The following CATSPERD variants were observed in gnomAD, a reference collection of about 807,000 sequenced individuals.
CATSPERD encodes the protein catsper channel auxiliary subunit delta.
CATSPERD carries 86 observed loss-of-function variants against 98.1 expected under a neutral mutation model. The ratio of observed to expected loss-of-function variants is 0.88; its 90% confidence interval spans 0.74 to 1.05. The LOEUF is 1.05. CATSPERD is among the 50% of genes least tolerant of loss of function. CATSPERD has a pLI of 0.00. For missense variants in CATSPERD, 995 were observed against 1,005.7 expected (o/e 0.99, Z 0.14); for synonymous variants, 394 against 390.2 (o/e 1.01, Z -0.12).
chr19:5,733,564 C>G (rs888507791), intron 4 of CATSPERD, among the ~76,000 whole-genome samples: 1 of 151,896 alleles, frequency 6.6e-6, no homozygotes, highest in Non-Finnish European at 1.5e-5. Context: ...TCAAGCGATT[C>G]TCCTGCCTCA....
intron 21 of CATSPERD, 111 bp downstream of exon 21, chr19:5,776,426 C>A: frequency 8.6e-7 from 1 of 1,168,378 alleles, no homozygotes; most frequent in Non-Finnish European, 1.2e-6. Context: ...CCCCCAACAG[C>A]CCAGGCCGTC....
intron 15 of CATSPERD, 57 bp downstream of exon 15, chr19:5,759,201 A>G (rs1162034673): frequency 1.3e-6 from 2 of 1,497,482 alleles, no homozygotes; most frequent in African/African-American, 2.8e-5. Context: ...TTTCCTTAGC[A>G]GGAGCGAAGA....
chr19:5,776,174 G>A lies in CATSPERD; in HGVS notation c.1955G>A (p.Cys652Tyr). ...TGTCCCCCACAGAACTATGTGAGCTGCCACGACCCCAACAACAATGCCCCT... is the reference window on the plus strand; with the variant it reads ...TGTCCCCCACAGAACTATGTGAGCTACCACGACCCCAACAACAATGCCCCT... Reference protein sequence around the residue: ...FFWNRENYVSCHDPNNNAPLR... With the variant: ...FFWNRENYVSYHDPNNNAPLR... The change falls in exon 21 of 22, where the codon TGC (cysteine) becomes TAC (tyrosine). Residue 652 changes from cysteine (C) to tyrosine (Y), a missense_variant. Physicochemically the swap from Cys to Tyr is radical, Grantham distance 194. This residue lies in a region of CATSPERD where 762 missense variants were observed against 773.7 expected (regional missense o/e 0.98). Coordinates refer to ENST00000381624, the MANE Select transcript of CATSPERD (RefSeq NM_152784.4). 1 of 1,614,176 alleles carries A rather than the reference G, an allele frequency of 6.2e-7. No individual in the cohort carries two copies.
chr19:5,776,166 T>C lies in CATSPERD; in HGVS notation c.1947T>C (p.Tyr649=), dbSNP rs534801383. The change falls in exon 21 of 22, where the codon TAT becomes TAC. Residue 649 remains tyrosine (Y), a synonymous_variant. Transcript: ENST00000381624. ...GGPFFWNREN[Y]VSCHDPNNNA... ...CATGTCTCTGTCCCCCACAGAACTA[T>C]GTGAGCTGCCACGACCCCAACAACA... The C allele has an allele frequency of 1.6e-4, 265 of 1,614,166 alleles. 5 individuals carry two copies. The South Asian group carries it at 2.7e-3, about 16-fold the overall frequency.
At position 5,778,409 on chromosome 19, in the gene CATSPERD, C is replaced by T. The variant is rs776355296; in HGVS notation, c.2130C>T (p.Tyr710=). 7.4e-6 allele frequency: 12 copies of T among 1,613,300 alleles called. No homozygotes were observed. The highest frequency in any genetic ancestry group is 3.3e-4 in the Middle Eastern group (2 of 6,058). The stretch of plus-strand genomic sequence containing the variant: ...AACTGGAGACCATCTTTAGCATCTA[C>T]GTGTATGGAGCATTCCCCGTGCAGC... ...YCQLETIFSI[Y]VYGAFPVQLV... is the part of the protein sequence containing the mutation. The change falls in exon 22 of 22, where the codon TAC becomes TAT. Residue 710 remains tyrosine, a synonymous_variant. Coordinates refer to ENST00000381624, the MANE Select transcript of CATSPERD (RefSeq NM_152784.4).
At position 5,739,842 on chromosome 19, in the gene CATSPERD, A is replaced by AAAAAAAAAAAAAAAG. The variant is rs57355784; in HGVS notation, c.573+414_573+415insAAAGAAAAAAAAAAA. ...TGACAGAGCGAGACCTCATCTCAAA[A>AAAAAAAAAAAAAAAG]AAAAAAAAAAAGTCCACTGGCTGGG... On this transcript the variant is annotated intron_variant, in intron 7 of 21. Coordinates refer to ENST00000381624, the MANE Select transcript of CATSPERD (RefSeq NM_152784.4). 2.0e-4 allele frequency among the ~76,000 whole-genome samples: 26 copies of AAAAAAAAAAAAAAAG among 133,008 alleles called. 2 individuals are homozygous for AAAAAAAAAAAAAAAG. Among genetic ancestry groups the AAAAAAAAAAAAAAAG allele is most frequent in the African/African-American group, 3.2e-4 (11 of 34,548 alleles). 87.3% of individuals were successfully genotyped at this position (133,008 alleles called of 152,430 possible).
chr19:5,733,862 G>A lies in CATSPERD; in HGVS notation c.283G>A (p.Val95Ile), dbSNP rs199840662. The change falls in exon 5 of 22, where the codon GTA becomes ATA. Residue 95 changes from valine (V) to isoleucine (I), a missense_variant. Val to Ile is a conservative substitution (Grantham distance 29, BLOSUM62 3). Coordinates refer to ENST00000381624, the MANE Select transcript of CATSPERD (RefSeq NM_152784.4). ...TCCATATGATAACTTTTAGGTCGGC[G>A]TACCAGAAGTGACATCAGCACATTT... is the stretch of plus-strand genomic sequence containing the variant. ...FTIPTSMQVG[V>I]PEVTSAHFAG... The A allele has an allele frequency of 2.1e-5, 34 of 1,608,002 alleles. No individual in the cohort carries two copies. The East Asian group carries it at 2.9e-4, about 14-fold the overall frequency.
intron 19 of CATSPERD, 149 bp downstream of exon 19, chr19:5,771,221 C>A (rs936139541): frequency 6.8e-6 from 6 of 882,178 alleles, no homozygotes; most frequent in Non-Finnish European, 1.0e-5. Context: ...TGCCCCAGCC[C>A]CACTGGCCCC....
At chr19:5,739,851 A>AAAAAGAAAAAAAAG (rs1301984788) in intron 7 of CATSPERD, among the ~76,000 whole-genome samples, 4 of 151,718 alleles carry the variant, frequency 2.6e-5, no homozygotes, top group African/African-American at 9.7e-5. Flanking sequence ...AAAAAAAAAA[A>AAAAAGAAAAAAAAG]AAGTCCACTG....
chr19:5,734,027 G>C, intron 5 of CATSPERD, 57 bp downstream of exon 5: 1 of 1,012,850 alleles, frequency 9.9e-7, no homozygotes, highest in Non-Finnish European at 1.5e-6. Flanking sequence ...TGAGAGAAGA[G>C]GGTATTAGTG....
rs1393191411 is a variant in CATSPERD, at chr19:5,757,930, C to T, written c.1366C>T (p.Leu456=). The change falls in exon 14 of 22, where the codon CTG becomes TTG. Residue 456 remains leucine, a splice_region_variant and synonymous_variant. Coordinates refer to ENST00000381624, the MANE Select transcript of CATSPERD (RefSeq NM_152784.4). ...ATCAGATGGGAACACCAAGTACAAACTGGTGAGCCGCGTCCCCACCAAACC... is the reference window on the plus strand; with the variant it reads ...ATCAGATGGGAACACCAAGTACAAATTGGTGAGCCGCGTCCCCACCAAACC... ...YTSDGNTKYK[L]DIFLKQQQHW... The T allele has an allele frequency of 2.5e-6, 4 of 1,611,212 alleles. No homozygotes were observed. The Admixed American group carries it at 5.0e-5, about 20-fold the overall frequency.
At chr19:5,725,139 C>T (rs1338232137) in intron 2 of CATSPERD, among the ~76,000 whole-genome samples, 3 of 152,110 alleles carry the variant, frequency 2.0e-5, no homozygotes, top group Non-Finnish European at 2.9e-5. Context: ...GTTCTGTTTA[C>T]TTCTCTCTCA....
rs139924351 is a variant in CATSPERD at position 5,757,180 on chromosome 19, G to A, written c.1279-663G>A. On this transcript the variant is annotated intron_variant, in intron 13 of 21. Transcript: ENST00000381624. ...TAAGAGAATCACTGGAACCCAGGAGGCAGAGGTTGCAGTGAGCTGAGTTTG... is the reference window on the plus strand; with the variant it reads ...TAAGAGAATCACTGGAACCCAGGAGACAGAGGTTGCAGTGAGCTGAGTTTG... 1.6e-3 allele frequency among the ~76,000 whole-genome samples: 237 copies of A among 152,154 alleles called. No homozygotes were observed. The Middle Eastern group carries it at 0.017, about 11-fold the overall frequency.
At chr19:5,747,196 A>C (rs1599547279) in intron 9 of CATSPERD, among the ~76,000 whole-genome samples, 1 of 114,672 alleles carries the variant, frequency 8.7e-6, no homozygotes, top group Non-Finnish European at 1.7e-5. Context: ...TTTTTGGGAC[A>C]CAGTTTCACT....
At chr19:5,755,816 A>T (rs28380505) in intron 13 of CATSPERD, among the ~76,000 whole-genome samples, 2 of 151,796 alleles carry the variant, frequency 1.3e-5, no homozygotes, top group African/African-American at 4.8e-5. Flanking sequence ...TTAAAAAAAT[A>T]AAAATTAGCC....
At chr19:5,736,891 A>G (rs2055857305) in intron 5 of CATSPERD, among the ~76,000 whole-genome samples, 1 of 151,778 alleles carries the variant, frequency 6.6e-6, no homozygotes. Flanking sequence ...CCCTGTCTCT[A>G]CTAAAAATAC....
chr19:5,724,778 T>C (rs1568337816), intron 1 of CATSPERD, 30 bp from the exon 2 acceptor site: 1 of 1,609,104 alleles, frequency 6.2e-7, no homozygotes, highest in Admixed American at 1.7e-5. Context: ...TCAATAAAAA[T>C]TGACAGATGG....
intron 15 of CATSPERD, among the ~76,000 whole-genome samples, chr19:5,759,583 A>T (rs1384182467): frequency 6.6e-6 from 1 of 151,552 alleles, no homozygotes; most frequent in Non-Finnish European, 1.5e-5. Context: ...AAAAAAAAAA[A>T]AAGCAAAAAT....
intron 5 of CATSPERD, among the ~76,000 whole-genome samples, chr19:5,736,469 C>A (rs1463600412): frequency 1.3e-5 from 2 of 152,178 alleles, no homozygotes; most frequent in African/African-American, 4.8e-5. Flanking sequence ...GTAATCCCAG[C>A]ACTTTGGGAG....
Sources: allele counts gnomAD v4.1 joint callset (sites outside exome capture counted in the v4.1 genomes callset), GRCh38; gene constraint gnomAD v4.1.1; regional missense constraint gnomAD v4.1.1; transcripts MANE v1.5; gene names NCBI Gene and HGNC (gene_info 2026-07-23, HGNC 2026-07-21).